USP16: variants seen among roughly 807,000 people sequenced by gnomAD.
USP16 encodes the protein ubiquitin carboxyl-terminal hydrolase 16.
USP16 carries 77 observed loss-of-function variants against 95.9 expected under a neutral mutation model. The ratio of observed to expected loss-of-function variants is 0.80; its 90% confidence interval spans 0.67 to 0.97. The LOEUF is 0.97. Among genes scored for constraint, USP16 ranks in the 50% least tolerant of loss-of-function variants. The probability of loss-of-function intolerance (pLI) is 0.00; values close to 1 mark genes in which losing one functional copy is unlikely to be tolerated. For synonymous variants in USP16, 303 were observed against 318.2 expected (o/e 0.95, Z 0.51); for missense variants, 943 against 959.9 (o/e 0.98, Z 0.23).
chr21:29,031,640 G>A (rs947611736), intron 3 of USP16, among the ~76,000 whole-genome samples: 1 of 152,218 alleles, frequency 6.6e-6, no homozygotes, highest in African/African-American at 2.4e-5. Context: ...GTTTTGCCAT[G>A]TTGGCCAGGC....
intron 2 of USP16, among the ~76,000 whole-genome samples, chr21:29,028,945 G>A (rs188849191): frequency 4.6e-5 from 7 of 152,250 alleles, no homozygotes; most frequent in South Asian, 4.1e-4. Flanking sequence ...TTTTTGAATC[G>A]AAGGGTGTAA....
chr21:29,029,098 G>T (rs1342256565), intron 2 of USP16, among the ~76,000 whole-genome samples: 1 of 152,302 alleles, frequency 6.6e-6, no homozygotes, highest in African/African-American at 2.4e-5. Context: ...GTAAACATCT[G>T]TGCTGATTTG....
intron 3 of USP16, among the ~76,000 whole-genome samples, chr21:29,034,201 T>C (rs555342390): frequency 6.6e-6 from 1 of 152,244 alleles, no homozygotes; most frequent in Admixed American, 6.5e-5. Flanking sequence ...GGGGAATGTT[T>C]AGGAGACTGT....
In USP16 at chr21:29,037,271, T is replaced by A. The variant is rs1226924246; in HGVS notation, c.449-5T>A. ...CATTTTGCTAAATCTTTTCTTTTTT[T>A]AAAGCAGAGAAAGATAATGGAAATA... On this transcript the variant is annotated splice_region_variant and splice_polypyrimidine_tract_variant and intron_variant, in intron 5 of 17. Coordinates refer to ENST00000399976, the MANE Select transcript of USP16 (RefSeq NM_006447.3). 6 of 1,508,094 alleles carry A rather than the reference T, an allele frequency of 4.0e-6. No individual in the cohort carries two copies. Among genetic ancestry groups the A allele is most frequent in the Non-Finnish European group, 5.4e-6 (6 of 1,111,234 alleles). 93.4% of individuals were successfully genotyped at this position (1,508,094 alleles called of 1,614,324 possible).
rs370393349 is a variant in USP16 at position 29,033,479 on chromosome 21, A to G, written c.241-1358A>G. The stretch of plus-strand genomic sequence containing the variant: ...ACGACCGGTTGTTGTACTGTGATCC[A>G]AAAGTTGATAGACTGGTTCCAGTAG... On this transcript the variant is annotated intron_variant, in intron 3 of 17. Transcript: ENST00000399976. Among the ~76,000 whole-genome samples the G allele has an allele frequency of 3.9e-5, 6 of 152,262 alleles. No homozygotes were observed. The South Asian group carries it at 1.2e-3, about 31-fold the overall frequency.
At chr21:29,036,943 T>G (rs570182412) in intron 5 of USP16, among the ~76,000 whole-genome samples, 1 of 152,256 alleles carries the variant, frequency 6.6e-6, no homozygotes, top group Non-Finnish European at 1.5e-5. Context: ...TGTTCTTGAT[T>G]GTTTTATATT....
At chr21:29,031,824 A>G (rs2085081585) in intron 3 of USP16, among the ~76,000 whole-genome samples, 1 of 152,230 alleles carries the variant, frequency 6.6e-6, no homozygotes, top group African/African-American at 2.4e-5. Context: ...GATAATACAG[A>G]GAAATCCCTA....
intron 3 of USP16, among the ~76,000 whole-genome samples, chr21:29,034,055 G>T (rs1170527349): frequency 6.6e-6 from 1 of 152,210 alleles, no homozygotes; most frequent in Non-Finnish European, 1.5e-5. Flanking sequence ...AGATATGTCG[G>T]GGTCAGAGGA....
intron 14 of USP16, 145 bp from the exon 15 acceptor site, chr21:29,048,616 T>C: frequency 1.7e-6 from 1 of 590,854 alleles, no homozygotes; most frequent in Non-Finnish European, 2.9e-6. Context: ...ACTCCACAAA[T>C]TCTACAATAT....
chr21:29,045,363 A>G (rs1341262236), intron 13 of USP16, among the ~76,000 whole-genome samples: 1 of 152,224 alleles, frequency 6.6e-6, no homozygotes, highest in African/African-American at 2.4e-5. Context: ...TCTTGATGAA[A>G]TGCCTTCTTT....
At chr21:29,039,283 G>C (rs143698633) in intron 8 of USP16, 127 bp downstream of exon 8, 27 of 1,145,192 alleles carry the variant, frequency 2.4e-5, no homozygotes, top group Admixed American at 1.5e-4. Flanking sequence ...TATACAAAAG[G>C]CATAGTTTTT....
Sources: gnomAD v4.1 joint callset for allele counts (sites outside exome capture counted in the v4.1 genomes callset) on GRCh38, gnomAD v4.1.1 for gene constraint, MANE v1.5 for transcripts, NCBI Gene and HGNC (gene_info 2026-07-23, HGNC 2026-07-21) for gene names.